The following GLYR1 variants were observed in gnomAD, a reference collection of about 807,000 sequenced individuals.
GLYR1 encodes the protein glyoxylate reductase 1 homolog.
In GLYR1, 21 loss-of-function variants were observed where a neutral mutation model predicts 72.7. The ratio of observed to expected loss-of-function variants is 0.29; its 90% CI spans 0.20 to 0.42. The LOEUF (loss-of-function observed/expected upper bound fraction) is 0.42. Ranked by LOEUF, GLYR1 falls within the 10% of genes least tolerant of loss-of-function variation. GLYR1 has a pLI of 1.00. For missense variants in GLYR1, 594 were observed against 712.1 expected, an observed-to-expected ratio of 0.83 and a Z score of 1.89; for synonymous variants, 392 against 270.2, an observed-to-expected ratio of 1.45 and a Z score of -4.42.
intron 14 of GLYR1, 61 bp downstream of exon 14, chr16:4,811,562 G>A (rs1567658525): frequency 1.7e-5 from 27 of 1,589,640 alleles, no homozygotes; most frequent in Non-Finnish European, 2.3e-5. Context: ...CTAAATCCCT[G>A]ACCTAGTACC....
intron 3 of GLYR1, among the ~76,000 whole-genome samples, chr16:4,844,369 T>C (rs1596424487): frequency 1.3e-5 from 2 of 152,320 alleles, no homozygotes; most frequent in South Asian, 2.1e-4. Flanking sequence ...CATGAGAACA[T>C]GATTGAACAA....
Position 4,813,752 on chromosome 16 carries a change from G to T in GLYR1, c.1104C>A (p.Val368=). Residue 368 remains valine, a synonymous_variant, in exon 12 of 16, where the codon GTC becomes GTA. Coordinates refer to ENST00000321919, the MANE Select transcript of GLYR1 (RefSeq NM_032569.4). ...VDMSTVDADT[V]TELAQVIVSR... is the part of the protein sequence containing the mutation. ...AGGCTGCTACCTGGGCCAGCTCAGT[G>T]ACGGTGTCAGCGTCCACTGTTGACA... The T allele has an allele frequency of 6.2e-7, 1 of 1,606,956 alleles. No homozygotes were observed. The highest frequency in any genetic ancestry group is 8.5e-7 in the Non-Finnish European group (1 of 1,176,746).
intron 10 of GLYR1, among the ~76,000 whole-genome samples, chr16:4,816,336 G>C (rs1167478545): frequency 6.6e-6 from 1 of 151,992 alleles, no homozygotes; most frequent in East Asian, 1.9e-4. Context: ...TGTAGAGATG[G>C]AGTCTCATGT....
At chr16:4,842,082 A>T (rs924037431) in intron 3 of GLYR1, among the ~76,000 whole-genome samples, 1 of 151,974 alleles carries the variant, frequency 6.6e-6, no homozygotes, top group Admixed American at 6.6e-5. Context: ...TCTACTGAAA[A>T]ATACAACAAA....
intron 3 of GLYR1, among the ~76,000 whole-genome samples, chr16:4,844,857 G>C (rs963433341): frequency 6.6e-6 from 1 of 152,218 alleles, no homozygotes; most frequent in Non-Finnish European, 1.5e-5. Flanking sequence ...AATGAACCTA[G>C]TTCTTGCCTG....
intron 9 of GLYR1, among the ~76,000 whole-genome samples, chr16:4,818,244 C>A (rs908656707): frequency 5.9e-5 from 9 of 152,214 alleles, no homozygotes; most frequent in African/African-American, 2.2e-4. Flanking sequence ...CTGCCCACCT[C>A]GGCCTCCCAA....
chr16:4,808,227 C>A, intron 15 of GLYR1, among the ~76,000 whole-genome samples: 1 of 120,350 alleles, frequency 8.3e-6, no homozygotes. Flanking sequence ...CAGAGTGAGA[C>A]TCTGTCTCAA....
rs2085902497 is a variant in GLYR1, at chr16:4,845,130, C to T, written c.99G>A (p.Leu33=). ...AGCATTTCTTTCCGCGAGGTTTCTT[C>T]AAGTCCTTTGGTGGATTAACAATCT... ...PGKIVNPPKD[L]KKPRGKKCFF... Residue 33 remains leucine, a synonymous_variant, in exon 3 of 16, where the codon TTG becomes TTA. Coordinates refer to ENST00000321919, the MANE Select transcript of GLYR1 (RefSeq NM_032569.4). 1.2e-6 allele frequency: 2 copies of T among 1,614,130 alleles called. No individual in the cohort carries two copies. Among genetic ancestry groups the T allele is most frequent in the South Asian group, 1.1e-5 (1 of 91,082 alleles).
At chr16:4,822,670 T>A (rs1425265861) in intron 7 of GLYR1, among the ~76,000 whole-genome samples, 1 of 152,256 alleles carries the variant, frequency 6.6e-6, no homozygotes, top group East Asian at 1.9e-4. Flanking sequence ...ATGACAGGTG[T>A]GAGCCACCGC....
chr16:4,832,225 A>C lies in GLYR1; in HGVS notation c.295-4T>G, dbSNP rs2084845773. On this transcript the variant is annotated splice_region_variant and splice_polypyrimidine_tract_variant and intron_variant, in intron 4 of 15. Coordinates refer to ENST00000321919, the MANE Select transcript of GLYR1 (RefSeq NM_032569.4). ...CAGAAGAATTGTGGGATGACGTCTG[A>C]AAGTTTAATAATAATAATGATAACT... The C allele has an allele frequency of 9.3e-6, 15 of 1,613,674 alleles. No homozygotes were observed. The highest frequency in any genetic ancestry group is 1.3e-5 in the Non-Finnish European group (15 of 1,179,756).
Position 4,805,287 on chromosome 16 carries a change from C to T in GLYR1, c.1611G>A (p.Leu537=). Residue 537 remains leucine, a synonymous_variant, in exon 16 of 16, where the codon CTG becomes CTA. Transcript: ENST00000321919. ...ANEVYKRAKA[L]DQSDNDMSAV... Reference sequence around the variant, plus strand: ...CGGACATATCGTTGTCAGACTGGTCCAGCGCCTTGGCTCTTTTGTACACCT... The same window carrying T: ...CGGACATATCGTTGTCAGACTGGTCTAGCGCCTTGGCTCTTTTGTACACCT... 1.9e-6 allele frequency: 3 copies of T among 1,613,978 alleles called. No homozygotes were observed. Among genetic ancestry groups the T allele is most frequent in the South Asian group, 1.1e-5 (1 of 90,988 alleles).
chr16:4,818,804 A>G (rs76916613), intron 9 of GLYR1, among the ~76,000 whole-genome samples: 2,773 of 152,172 alleles, frequency 0.018, 40 homozygotes, highest in Non-Finnish European at 0.029. Context: ...CTGAGCTTGG[A>G]ACCCAATCTT....
chr16:4,805,186 A>C lies in GLYR1; in HGVS notation c.*50T>G. The C allele has an allele frequency of 6.7e-7, 1 of 1,482,064 alleles. No individual in the cohort carries two copies. The highest frequency in any genetic ancestry group is 9.4e-7 in the Non-Finnish European group (1 of 1,062,256). The allele number at this position is 1,482,064 out of a possible 1,614,324, so 91.8% of individuals were successfully genotyped here. On this transcript the variant is annotated 3_prime_UTR_variant, in exon 16 of 16. Transcript: ENST00000321919. ...CCAGGCCCCCGACCCCATGTGAGGA[A>C]GAGGGGGTCAGAGGGGGGATTGGAG... is the stretch of plus-strand genomic sequence containing the variant.
intron 5 of GLYR1, among the ~76,000 whole-genome samples, chr16:4,829,971 C>T (rs1024136517): frequency 6.6e-6 from 1 of 151,700 alleles, no homozygotes; most frequent in Non-Finnish European, 1.5e-5. Flanking sequence ...CTGCACCCAG[C>T]AAAAAAAATT....
intron 5 of GLYR1, 114 bp from the exon 6 acceptor site, chr16:4,824,021 G>A: frequency 1.4e-6 from 1 of 738,882 alleles, no homozygotes; most frequent in Non-Finnish European, 2.3e-6. Flanking sequence ...CTGTTCTGAT[G>A]ACCGTCCCTC....
chr16:4,845,063 G>A lies in GLYR1; in HGVS notation c.155+11C>T. ...AAAGGCGAAGGGAGACTCCTGGTGA[G>A]TACTACTCACTGATCTTCTGTTCCA... On this transcript the variant is annotated intron_variant, in intron 3 of 15. Coordinates refer to ENST00000321919, the MANE Select transcript of GLYR1 (RefSeq NM_032569.4). 6.3e-7 allele frequency: 1 copy of A among 1,590,492 alleles called. No individual in the cohort carries two copies. The highest frequency in any genetic ancestry group is 1.1e-5 in the South Asian group (1 of 90,486).
chr16:4,842,057 T>C (rs1596411856), intron 3 of GLYR1, among the ~76,000 whole-genome samples: 1 of 151,912 alleles, frequency 6.6e-6, no homozygotes, highest in Non-Finnish European at 1.5e-5. Context: ...TTGGCTAACA[T>C]GGTGAAACCC....
Position 4,846,165 on chromosome 16 carries a change from G to A in GLYR1, c.75+9C>T, listed in dbSNP as rs775916148. On this transcript the variant is annotated intron_variant, in intron 2 of 15. Transcript: ENST00000321919. ...TTCAGATCTCTTCCTTTAGTAGCAA[G>A]ACACTCACCTTTCCTGGCCAAGGAG... The A allele has an allele frequency of 5.9e-5, 95 of 1,613,816 alleles. No homozygotes were observed. The highest frequency in any genetic ancestry group is 8.0e-5 in the Non-Finnish European group (94 of 1,179,812).
At chr16:4,807,498 A>G (rs763518087) in intron 15 of GLYR1, among the ~76,000 whole-genome samples, 1 of 152,362 alleles carries the variant, frequency 6.6e-6, no homozygotes, top group Non-Finnish European at 1.5e-5. Flanking sequence ...ATAAAATGGC[A>G]GCCCCAAATT....
Sources: gnomAD v4.1 joint callset for allele counts (sites outside exome capture counted in the v4.1 genomes callset) on GRCh38, gnomAD v4.1.1 for gene constraint, MANE v1.5 for transcripts, NCBI Gene and HGNC (gene_info 2026-07-23, HGNC 2026-07-21) for gene names.